The following YEATS2 variants were observed in gnomAD, a reference collection of about 807,000 sequenced individuals.
YEATS2 encodes YEATS domain-containing protein 2.
In YEATS2, 77 loss-of-function variants were observed where a neutral mutation model predicts 163.2. The observed-to-expected ratio is 0.47, with a 90% CI of 0.39 to 0.57. YEATS2 has a LOEUF of 0.57. YEATS2 is among the 20% of genes least tolerant of loss of function. YEATS2 has a pLI of 0.00. For missense variants in YEATS2, 1,549 were observed against 1,729.8 expected (o/e 0.90, Z 1.85); for synonymous variants, 631 against 645.1 (o/e 0.98, Z 0.33).
rs148404959 is a variant in YEATS2, at chr3:183,774,099, C to A, written c.2368+305C>A. Among the ~76,000 whole-genome samples, 38 of 152,180 alleles carry A rather than the reference C, an allele frequency of 2.5e-4. No individual in the cohort carries two copies. The East Asian group carries it at 6.9e-3, about 28-fold the overall frequency. ...GGTGTCTGAAAATTATCTGGTGATA[C>A]CTGAGGGAAGATCCATCTACTTATA... On this transcript the variant is annotated intron_variant, in intron 17 of 30. Transcript: ENST00000305135.
At chr3:183,758,759 G>GA in intron 12 of YEATS2, 103 bp from the exon 13 acceptor site, 1 of 868,202 alleles carries the variant, frequency 1.2e-6, no homozygotes, top group Non-Finnish European at 1.8e-6. Flanking sequence ...CCTTAAACAT[G>GA]AAAAATAAAT....
At chr3:183,726,732 A>G (rs262972) in intron 6 of YEATS2, among the ~76,000 whole-genome samples, 59,741 of 151,510 alleles carry the variant, frequency 0.39, 12,239 homozygotes, top group Middle Eastern at 0.53. Context: ...GCCATTTTCT[A>G]TTTTCGTATA....
At chr3:183,713,076 C>G (rs139640326) in intron 1 of YEATS2, among the ~76,000 whole-genome samples, 1 of 151,964 alleles carries the variant, frequency 6.6e-6, no homozygotes, top group Non-Finnish European at 1.5e-5. Context: ...CTGTACAGGC[C>G]GCTAATACAA....
At chr3:183,758,574 C>T (rs899361104) in intron 12 of YEATS2, among the ~76,000 whole-genome samples, 4 of 152,098 alleles carry the variant, frequency 2.6e-5, no homozygotes, top group African/African-American at 9.7e-5. Flanking sequence ...CGAGAATATG[C>T]TACTGTTTAT....
At chr3:183,774,314 G>T (rs1179213595) in intron 17 of YEATS2, among the ~76,000 whole-genome samples, 3 of 152,170 alleles carry the variant, frequency 2.0e-5, no homozygotes, top group African/African-American at 7.2e-5. Flanking sequence ...TCTCACAGGA[G>T]CGCGAACCCT....
intron 1 of YEATS2, among the ~76,000 whole-genome samples, chr3:183,701,051 ATGTGTGTGTGTG>A (rs141939254): frequency 6.8e-6 from 1 of 147,424 alleles, no homozygotes; most frequent in African/African-American, 2.5e-5. Context: ...GTATATATAT[ATGTGTGTGTGTG>A]TGTGTGTGTA....
intron 22 of YEATS2, 23 bp from the exon 23 acceptor site, chr3:183,798,868 C>A: frequency 6.4e-7 from 1 of 1,556,136 alleles, no homozygotes; most frequent in Non-Finnish European, 8.9e-7. Flanking sequence ...TTGTTATATC[C>A]CTCCCTCCTT....
chr3:183,804,264 T>G, intron 27 of YEATS2, 76 bp downstream of exon 27: 1 of 1,558,996 alleles, frequency 6.4e-7, no homozygotes, highest in East Asian at 2.2e-5. Flanking sequence ...GATGAGGACT[T>G]GGAAGAGTTG....
intron 1 of YEATS2, among the ~76,000 whole-genome samples, chr3:183,704,517 T>C (rs2108970583): frequency 6.6e-6 from 1 of 152,308 alleles, no homozygotes; most frequent in South Asian, 2.1e-4. Context: ...TTATTTTCCA[T>C]ATCATGGTGA....
At chr3:183,810,376 C>A (rs996008496) in intron 30 of YEATS2, 99 bp from the exon 31 acceptor site, 2 of 1,091,936 alleles carry the variant, frequency 1.8e-6, no homozygotes, top group African/African-American at 1.6e-5. Flanking sequence ...CTCCACGGGG[C>A]CTCTGCCTGG....
intron 19 of YEATS2, 46 bp downstream of exon 19, chr3:183,777,746 A>G (rs1294420059): frequency 6.4e-7 from 1 of 1,567,612 alleles, no homozygotes; most frequent in East Asian, 2.3e-5. Flanking sequence ...TGATTATGGC[A>G]TTTATTTACA....
chr3:183,743,021 G>A (rs751893696), intron 8 of YEATS2, among the ~76,000 whole-genome samples: 1 of 152,198 alleles, frequency 6.6e-6, no homozygotes, highest in Admixed American at 6.5e-5. Context: ...ACATAATGCT[G>A]TTACATACTT....
At chr3:183,746,809 G>T (rs866477795) in intron 8 of YEATS2, among the ~76,000 whole-genome samples, 1 of 151,880 alleles carries the variant, frequency 6.6e-6, no homozygotes, top group African/African-American at 2.4e-5. Flanking sequence ...TCCTCTCTAT[G>T]TTGGCTGCTA....
chr3:183,804,221 G>A (rs1725964743), intron 27 of YEATS2, 33 bp downstream of exon 27: 1 of 1,612,282 alleles, frequency 6.2e-7, no homozygotes, highest in African/African-American at 1.3e-5. Flanking sequence ...CAGAGCGCCT[G>A]GCAGCCTGGA....
intron 25 of YEATS2, chr3:183,801,756 C>T (rs1725684062): frequency 2.4e-6 from 1 of 424,018 alleles, no homozygotes; most frequent in African/African-American, 2.0e-5. Flanking sequence ...TTACATTTTT[C>T]ATATGTAAAT....
intron 23 of YEATS2, among the ~76,000 whole-genome samples, chr3:183,799,819 TTTTTTTTTTTTTC>T (rs1560331743): frequency 4.0e-5 from 6 of 149,074 alleles, no homozygotes; most frequent in Non-Finnish European, 8.9e-5. Flanking sequence ...GTAGCATTGT[TTTTTTTTTTTTTC>T]TTTTTTTTTT....
intron 1 of YEATS2, among the ~76,000 whole-genome samples, chr3:183,703,235 T>G (rs1714291386): frequency 6.6e-6 from 1 of 151,926 alleles, no homozygotes; most frequent in Non-Finnish European, 1.5e-5. Context: ...TGATTATTTT[T>G]ACTTAAAAGA....
At chr3:183,764,573 G>T (rs1428672654) in intron 15 of YEATS2, among the ~76,000 whole-genome samples, 1 of 152,092 alleles carries the variant, frequency 6.6e-6, no homozygotes, top group Admixed American at 6.6e-5. Context: ...ACTTTGGGAG[G>T]TCAAGGCGGG....
intron 6 of YEATS2, among the ~76,000 whole-genome samples, chr3:183,727,863 G>A (rs1035808612): frequency 2.6e-5 from 4 of 151,978 alleles, no homozygotes; most frequent in Non-Finnish European, 5.9e-5. Flanking sequence ...AAATCAACCC[G>A]AAGGCTAGAG....
Sources: gnomAD v4.1 joint callset for allele counts (sites outside exome capture counted in the v4.1 genomes callset) on GRCh38, gnomAD v4.1.1 for gene constraint, MANE v1.5 for transcripts, NCBI Gene and HGNC (gene_info 2026-07-23, HGNC 2026-07-21) for gene names.